The following TOX2 variants were observed in gnomAD, a reference collection of about 807,000 sequenced individuals.
The protein encoded by TOX2 is TOX high mobility group box family member 2.
A neutral mutation model predicts 47.4 loss-of-function variants in TOX2; 15 were observed. That is an observed-to-expected ratio of 0.32 (90% confidence interval 0.21 to 0.49). TOX2 has a LOEUF of 0.49. TOX2 is among the 20% of genes least tolerant of loss of function. The pLI, the probability that TOX2 is intolerant of heterozygous loss-of-function variation, is 0.99. For missense variants in TOX2, 622 were observed against 673.1 expected (o/e 0.92, Z 0.84); for synonymous variants, 290 against 296.6 (o/e 0.98, Z 0.23).
intron 2 of TOX2, among the ~76,000 whole-genome samples, chr20:43,992,759 T>C (rs6130492): frequency 0.19 from 29,162 of 151,096 alleles, 3,339 homozygotes; most frequent in African/African-American, 0.3. Context: ...ATTTGTAGCA[T>C]GTAACATGCA....
At chr20:44,004,994 G>A (rs1178281845) in intron 2 of TOX2, among the ~76,000 whole-genome samples, 1 of 152,174 alleles carries the variant, frequency 6.6e-6, no homozygotes, top group African/African-American at 2.4e-5. Context: ...TGTTCAAGAT[G>A]CTGGATATGC....
chr20:44,053,337 C>G (rs2071549435), intron 4 of TOX2, among the ~76,000 whole-genome samples: 1 of 152,064 alleles, frequency 6.6e-6, no homozygotes, highest in Non-Finnish European at 1.5e-5. Context: ...GACTAAGCCA[C>G]CTGCTCAAAG....
chr20:43,987,244 G>C (rs867651953), intron 2 of TOX2, among the ~76,000 whole-genome samples: 1 of 152,130 alleles, frequency 6.6e-6, no homozygotes, highest in Non-Finnish European at 1.5e-5. Context: ...TCACAAACAC[G>C]TTGAGTGAAA....
intron 3 of TOX2, among the ~76,000 whole-genome samples, chr20:44,017,549 C>T (rs2070901395): frequency 6.6e-6 from 1 of 152,202 alleles, no homozygotes; most frequent in African/African-American, 2.4e-5. Flanking sequence ...GGGCCAGATG[C>T]TTCACCTTGG....
chr20:44,029,595 T>C (rs1040228477), intron 3 of TOX2, among the ~76,000 whole-genome samples: 2 of 152,202 alleles, frequency 1.3e-5, no homozygotes, highest in Admixed American at 1.3e-4. Flanking sequence ...GAACATGGCC[T>C]GTGAGTGGCA....
At chr20:44,010,199 G>A (rs1313944853) in intron 3 of TOX2, among the ~76,000 whole-genome samples, 3 of 152,186 alleles carry the variant, frequency 2.0e-5, no homozygotes, top group Admixed American at 6.5e-5. Context: ...AGGTACATTT[G>A]TAGGGCCACC....
chr20:44,054,354 A>C lies in TOX2; in HGVS notation c.707A>C (p.Lys236Thr), dbSNP rs1246700407. 2.5e-6 allele frequency: 4 copies of C among 1,612,010 alleles called. No homozygotes were observed. The African/African-American group carries it at 4.0e-5, about 16-fold the overall frequency. ...ADPGKKAKNP[K>T]KKKKKDPNEP... ...CCAGGAAAAAAGGCCAAGAACCCGA[A>C]GAAGAAGAAAAAGAAGGACCCCAAT... The change falls in exon 5 of 9, where the codon AAG becomes ACG. Residue 236 changes from lysine to threonine, a missense_variant. Physicochemically the swap from Lys to Thr is moderately conservative, Grantham distance 78. Transcript: ENST00000341197.
chr20:43,955,641 C>G (rs1025222296), intron 1 of TOX2, among the ~76,000 whole-genome samples: 16 of 152,158 alleles, frequency 1.1e-4, no homozygotes, highest in African/African-American at 3.6e-4. Flanking sequence ...GCCCTTGGCA[C>G]TTTTCACTCA....
intron 3 of TOX2, among the ~76,000 whole-genome samples, chr20:44,048,961 ACC>A (rs993470983): frequency 6.6e-6 from 1 of 152,126 alleles, no homozygotes; most frequent in African/African-American, 2.4e-5. Flanking sequence ...ATATGGCGAA[ACC>A]CCGTCTCGCT....
intron 2 of TOX2, among the ~76,000 whole-genome samples, chr20:43,979,591 G>A (rs916082109): frequency 1.3e-5 from 2 of 152,090 alleles, no homozygotes; most frequent in African/African-American, 4.8e-5. Flanking sequence ...AAAGTGAAGA[G>A]ACAGCCCACA....
At chr20:43,984,459 T>A (rs914457533) in intron 2 of TOX2, among the ~76,000 whole-genome samples, 1 of 152,186 alleles carries the variant, frequency 6.6e-6, no homozygotes. Context: ...TCAGAAAAAA[T>A]GGCCTAGCTT....
intron 6 of TOX2, 41 bp downstream of exon 6, chr20:44,064,898 G>A: frequency 6.3e-7 from 1 of 1,594,720 alleles, no homozygotes; most frequent in Non-Finnish European, 8.6e-7. Context: ...GATCAGAGTG[G>A]GGCCACTTGA....
rs2071172827 is a variant in TOX2 at position 44,032,528 on chromosome 20, G to T, written c.412-18778G>T. Among the ~76,000 whole-genome samples, 3 of 152,188 alleles carry T rather than the reference G, an allele frequency of 2.0e-5. No individual in the cohort carries two copies. In the South Asian group the frequency reaches 6.2e-4, roughly 31 times the overall value. Reference sequence around the variant, plus strand: ...GTGGATGTGATGGAGAGGGGTGATGGAGGGGACTGGAGTTGGGGAGGCCAG... The same window carrying T: ...GTGGATGTGATGGAGAGGGGTGATGTAGGGGACTGGAGTTGGGGAGGCCAG... On this transcript the variant is annotated intron_variant, in intron 3 of 8. Transcript: ENST00000341197.
chr20:43,951,887 TTTTGTTTG>T (rs138391371), intron 1 of TOX2, among the ~76,000 whole-genome samples: 7 of 146,296 alleles, frequency 4.8e-5, no homozygotes, highest in East Asian at 2.0e-4. Context: ...AAAAATAATT[TTTTGTTTG>T]TTTGTTTGTT....
rs2070439202 is a variant in TOX2, at chr20:43,994,697, G to A, written c.166-11850G>A. Among the ~76,000 whole-genome samples, 3 of 152,158 alleles carry A rather than the reference G, an allele frequency of 2.0e-5. No individual in the cohort carries two copies. The South Asian group carries it at 6.2e-4, about 32-fold the overall frequency. On this transcript the variant is annotated intron_variant, in intron 2 of 8. Transcript: ENST00000341197. ...TCCAGAGCCTCCCCGTCCCTGCCCGGTGAATCACCCAGGATGCTGCTGAAA... is the reference window on the plus strand; with the variant it reads ...TCCAGAGCCTCCCCGTCCCTGCCCGATGAATCACCCAGGATGCTGCTGAAA...
At chr20:43,949,409 C>A (rs1239214474) in intron 1 of TOX2, among the ~76,000 whole-genome samples, 2 of 152,198 alleles carry the variant, frequency 1.3e-5, no homozygotes, top group African/African-American at 4.8e-5. Flanking sequence ...CTCTGAGAAC[C>A]ACCTGATGCG....
intron 2 of TOX2, among the ~76,000 whole-genome samples, chr20:44,003,037 C>T (rs991128263): frequency 2.0e-5 from 3 of 152,170 alleles, no homozygotes; most frequent in Non-Finnish European, 4.4e-5. Context: ...AGCCAGGATG[C>T]AAACCCAAGC....
rs150526691 is a variant in TOX2, at chr20:43,967,816, A to G, written c.100-5551A>G. 9.5e-4 allele frequency among the ~76,000 whole-genome samples: 144 copies of G among 152,318 alleles called. 1 individual carries two copies. Among genetic ancestry groups the G allele is most frequent in the African/African-American group, 3.2e-3 (135 of 41,568 alleles). ...TTTATTTATCTGTTAATATTTTTAAACAGTGGCTACTACATTTAAAAATAA... is the reference window on the plus strand; with the variant it reads ...TTTATTTATCTGTTAATATTTTTAAGCAGTGGCTACTACATTTAAAAATAA... On this transcript the variant is annotated intron_variant, in intron 1 of 8. Coordinates refer to ENST00000341197, the MANE Select transcript of TOX2 (RefSeq NM_001098797.2).
intron 1 of TOX2, among the ~76,000 whole-genome samples, chr20:43,930,679 G>A (rs17753711): frequency 6.6e-6 from 1 of 152,050 alleles, no homozygotes; most frequent in Non-Finnish European, 1.5e-5. Context: ...CAGCCCATGG[G>A]AATGTTTCTG....
Sources: gnomAD v4.1 joint callset for allele counts (sites outside exome capture counted in the v4.1 genomes callset) on GRCh38, gnomAD v4.1.1 for gene constraint, MANE v1.5 for transcripts, NCBI Gene and HGNC (gene_info 2026-07-23, HGNC 2026-07-21) for gene names.